The following GRID2 variants were observed in gnomAD, a reference collection of about 807,000 sequenced individuals.
GRID2 encodes glutamate receptor ionotropic, delta-2.
A neutral mutation model predicts 114.8 loss-of-function variants in GRID2; 33 were observed. The observed-to-expected ratio is 0.29, with a 90% CI of 0.22 to 0.38. The LOEUF is 0.38. Ranked by LOEUF, GRID2 falls within the 10% of genes least tolerant of loss-of-function variation. GRID2 has a pLI of 1.00. For synonymous variants in GRID2, 505 were observed against 449.9 expected, an observed-to-expected ratio of 1.12 and a Z score of -1.55; for missense variants, 1,184 against 1,257.7, an observed-to-expected ratio of 0.94 and a Z score of 0.89.
At chr4:92,676,167 C>G (rs1163872503) in intron 2 of GRID2, among the ~76,000 whole-genome samples, 11 of 99,316 alleles carry the variant, frequency 1.1e-4, no homozygotes, top group Admixed American at 4.7e-4. Flanking sequence ...CCCCCCCCCC[C>G]CCCTTTTTTT....
rs1312599238 is a variant in GRID2 at position 93,529,221 on chromosome 4, G to A, written c.2193+13810G>A. ...TCCAAACCCAGATATCAAGATTCACGGAGTCTGGGGTGGGACCCAAGAATT... is the reference window on the plus strand; with the variant it reads ...TCCAAACCCAGATATCAAGATTCACAGAGTCTGGGGTGGGACCCAAGAATT... On this transcript the variant is annotated intron_variant, in intron 13 of 15. Coordinates refer to ENST00000282020, the MANE Select transcript of GRID2 (RefSeq NM_001510.4). 4.6e-5 allele frequency among the ~76,000 whole-genome samples: 7 copies of A among 152,112 alleles called. No homozygotes were observed. The East Asian group carries it at 7.7e-4, about 17-fold the overall frequency.
intron 13 of GRID2, among the ~76,000 whole-genome samples, chr4:93,529,910 A>T (rs1731277593): frequency 6.6e-6 from 1 of 151,934 alleles, no homozygotes; most frequent in African/African-American, 2.4e-5. Flanking sequence ...TATGTCTAAC[A>T]CTCAACTAAT....
intron 14 of GRID2, among the ~76,000 whole-genome samples, chr4:93,651,338 A>G (rs1314353954): frequency 1.3e-5 from 2 of 152,152 alleles, no homozygotes; most frequent in Non-Finnish European, 1.5e-5. Flanking sequence ...ATAACATAGG[A>G]TTTAAAATTC....
chr4:92,710,481 T>C (rs1406085901), intron 2 of GRID2, among the ~76,000 whole-genome samples: 1 of 152,230 alleles, frequency 6.6e-6, no homozygotes, highest in Non-Finnish European at 1.5e-5. Flanking sequence ...TTCTATCAGA[T>C]AAACTAAAAG....
chr4:92,535,081 GCTAA>G (rs1479281683), intron 1 of GRID2, among the ~76,000 whole-genome samples: 1 of 151,980 alleles, frequency 6.6e-6, no homozygotes, highest in Non-Finnish European at 1.5e-5. Context: ...CCTTATATGG[GCTAA>G]CTATCCAGTT....
chr4:93,265,677 A>C (rs552567114), intron 8 of GRID2, among the ~76,000 whole-genome samples: 32 of 152,322 alleles, frequency 2.1e-4, no homozygotes, highest in South Asian at 1.0e-3. Flanking sequence ...AAGATAAATA[A>C]AAACAAGTAA....
At chr4:92,926,255 A>G (rs888049064) in intron 2 of GRID2, among the ~76,000 whole-genome samples, 1 of 152,036 alleles carries the variant, frequency 6.6e-6, no homozygotes, top group African/African-American at 2.4e-5. Context: ...TCTTCTTGTT[A>G]ATGAATATTT....
chr4:92,339,240 G>A (rs1023066002), intron 1 of GRID2, among the ~76,000 whole-genome samples: 7 of 151,924 alleles, frequency 4.6e-5, no homozygotes, highest in East Asian at 1.9e-4. Flanking sequence ...AAGATGACTC[G>A]GAAAGCTGAT....
chr4:93,369,861 T>C (rs1762702677), intron 8 of GRID2, among the ~76,000 whole-genome samples: 1 of 152,170 alleles, frequency 6.6e-6, no homozygotes, highest in South Asian at 2.1e-4. Context: ...ATTTTACAAA[T>C]ATAAAGAGCA....
chr4:92,732,715 A>T (rs1736385801), intron 2 of GRID2, among the ~76,000 whole-genome samples: 1 of 152,036 alleles, frequency 6.6e-6, no homozygotes, highest in African/African-American at 2.4e-5. Context: ...TACTCCTTTC[A>T]TCTATCTGTC....
intron 8 of GRID2, among the ~76,000 whole-genome samples, chr4:93,324,938 T>G (rs996778822): frequency 6.6e-6 from 1 of 152,126 alleles, no homozygotes; most frequent in Non-Finnish European, 1.5e-5. Context: ...TTCTTCTTTA[T>G]TAGTCTTGCT....
chr4:93,406,221 G>A (rs1043156968), intron 9 of GRID2, among the ~76,000 whole-genome samples: 3 of 152,098 alleles, frequency 2.0e-5, no homozygotes, highest in African/African-American at 7.2e-5. Flanking sequence ...AACCTTTTCA[G>A]ACATTAGTCA....
intron 14 of GRID2, among the ~76,000 whole-genome samples, chr4:93,689,848 A>T (rs1321930749): frequency 6.6e-6 from 1 of 152,084 alleles, no homozygotes; most frequent in African/African-American, 2.4e-5. Flanking sequence ...AGAATTCCTG[A>T]TTCTGGATAA....
At chr4:92,427,221 G>A (rs553749557) in intron 1 of GRID2, among the ~76,000 whole-genome samples, 14 of 151,996 alleles carry the variant, frequency 9.2e-5, no homozygotes, top group Admixed American at 8.5e-4. Flanking sequence ...CTTTCATATT[G>A]GGTTTGGCTT....
chr4:92,761,500 T>C (rs544198723), intron 2 of GRID2, among the ~76,000 whole-genome samples: 1 of 152,198 alleles, frequency 6.6e-6, no homozygotes, highest in Non-Finnish European at 1.5e-5. Flanking sequence ...GTTTAGCCCA[T>C]GGCCTCATGG....
At chr4:92,504,868 C>T (rs1354686108) in intron 1 of GRID2, among the ~76,000 whole-genome samples, 1 of 151,980 alleles carries the variant, frequency 6.6e-6, no homozygotes, top group Non-Finnish European at 1.5e-5. Context: ...GGTGCATCTA[C>T]ATGAGCCAAT....
At chr4:92,317,764 G>A (rs2110120434) in intron 1 of GRID2, among the ~76,000 whole-genome samples, 1 of 152,294 alleles carries the variant, frequency 6.6e-6, no homozygotes, top group East Asian at 1.9e-4. Context: ...AGTGAGACAA[G>A]TGAAGCTTTT....
At chr4:93,225,253 T>C (rs1414050218) in intron 7 of GRID2, among the ~76,000 whole-genome samples, 1 of 152,202 alleles carries the variant, frequency 6.6e-6, no homozygotes, top group Non-Finnish European at 1.5e-5. Context: ...TTGTGAACTA[T>C]TTGGGGTAAC....
chr4:93,503,454 A>T (rs557402353), intron 12 of GRID2, among the ~76,000 whole-genome samples: 1 of 150,874 alleles, frequency 6.6e-6, no homozygotes, highest in South Asian at 2.1e-4. Flanking sequence ...TAGGTATGTC[A>T]CCTAATGCTA....
Sources: gnomAD v4.1 joint callset for allele counts (sites outside exome capture counted in the v4.1 genomes callset) on GRCh38, gnomAD v4.1.1 for gene constraint, MANE v1.5 for transcripts, NCBI Gene and HGNC (gene_info 2026-07-23, HGNC 2026-07-21) for gene names.